Variants in LRMDA observed in about 807,000 individuals in gnomAD.
LRMDA encodes the protein leucine-rich melanocyte differentiation-associated protein.
LRMDA carries 18 observed loss-of-function variants against 29.8 expected under a neutral mutation model. The observed-to-expected ratio is 0.60, with a 90% CI of 0.42 to 0.90. LRMDA has a LOEUF of 0.90. LRMDA is among the 40% of genes least tolerant of loss of function. The probability of loss-of-function intolerance (pLI) is 0.00; values close to 1 mark genes in which losing one functional copy is unlikely to be tolerated. For missense variants in LRMDA, 273 were observed against 273.9 expected, an observed-to-expected ratio of 1.00 and a Z score of 0.02; for synonymous variants, 125 against 109.4, an observed-to-expected ratio of 1.14 and a Z score of -0.89.
At chr10:76,174,416 A>T (rs1468024101) in intron 5 of LRMDA, among the ~76,000 whole-genome samples, 1 of 152,348 alleles carries the variant, frequency 6.6e-6, no homozygotes. Flanking sequence ...ATTCAATAAT[A>T]TGTAGAAATA....
chr10:76,091,444 GTCCAGT>G (rs541229812), intron 5 of LRMDA, among the ~76,000 whole-genome samples: 1 of 152,282 alleles, frequency 6.6e-6, no homozygotes, highest in Admixed American at 6.5e-5. Context: ...TCTGCACTTT[GTCCAGT>G]TCCCCTGCAT....
chr10:76,111,191 G>A (rs1849573000), intron 5 of LRMDA, among the ~76,000 whole-genome samples: 1 of 152,128 alleles, frequency 6.6e-6, no homozygotes, highest in South Asian at 2.1e-4. Flanking sequence ...GATCCTCAAA[G>A]CAGCCTGTAC....
chr10:76,314,789 C>T (rs2132383584), intron 5 of LRMDA, among the ~76,000 whole-genome samples: 1 of 152,338 alleles, frequency 6.6e-6, no homozygotes, highest in African/African-American at 2.4e-5. Flanking sequence ...TTAACACTTA[C>T]ACACCACTGG....
intron 5 of LRMDA, among the ~76,000 whole-genome samples, chr10:76,269,168 C>T (rs1260175911): frequency 6.6e-6 from 1 of 151,998 alleles, no homozygotes; most frequent in East Asian, 1.9e-4. Context: ...AGAGTGCTTC[C>T]CAGCCCCAGT....
In LRMDA at chr10:75,461,880, ATGAGGTGGCGGCCAGGCTAG is replaced by A. The variant is rs1467448917; in HGVS notation, c.131+23390_131+23409del. 4.6e-5 allele frequency among the ~76,000 whole-genome samples: 7 copies of A among 152,354 alleles called. No individual in the cohort carries two copies. In the East Asian group the frequency reaches 1.2e-3, roughly 25 times the overall value. On this transcript the variant is annotated intron_variant, in intron 2 of 6. Coordinates refer to ENST00000611255, the MANE Select transcript of LRMDA (RefSeq NM_001305581.2). ...CGAAGGGGGCATTGGCCAGAGCCCTATGAGGTGGCGGCCAGGCTAGTGAAGGAGGCAGAGCAAGCAACTCA... is the reference window on the plus strand; with the variant it reads ...CGAAGGGGGCATTGGCCAGAGCCCTATGAAGGAGGCAGAGCAAGCAACTCA...
At chr10:75,512,369 TC>T (rs1845235122) in intron 2 of LRMDA, among the ~76,000 whole-genome samples, 2 of 151,908 alleles carry the variant, frequency 1.3e-5, no homozygotes, top group African/African-American at 4.8e-5. Context: ...TTTTTTTTTT[TC>T]CTTCTCCAGC....
intron 2 of LRMDA, among the ~76,000 whole-genome samples, chr10:75,569,137 TG>T (rs916844580): frequency 1.4e-4 from 22 of 152,330 alleles, no homozygotes; most frequent in African/African-American, 4.6e-4. Context: ...CCACAACTCC[TG>T]GGACTCTTTC....
intron 6 of LRMDA, among the ~76,000 whole-genome samples, chr10:76,499,010 GATC>G (rs3066520): frequency 1 from 71,433 of 71,532 alleles, 35,691 homozygotes; most frequent in Middle Eastern, 1. Flanking sequence ...TAATAAGCAT[GATC>G]ATCATCATCA....
At chr10:75,676,101 C>T (rs1023056282) in intron 2 of LRMDA, among the ~76,000 whole-genome samples, 1 of 152,076 alleles carries the variant, frequency 6.6e-6, no homozygotes, top group African/African-American at 2.4e-5. Flanking sequence ...TAAGAACTTG[C>T]TCCCTTTCTG....
At chr10:75,672,264 G>A (rs983479472) in intron 2 of LRMDA, among the ~76,000 whole-genome samples, 3 of 152,016 alleles carry the variant, frequency 2.0e-5, no homozygotes, top group Admixed American at 6.6e-5. Context: ...TGAGAGCTCC[G>A]TGGTCTACCC....
chr10:76,171,800 T>A (rs1052210096), intron 5 of LRMDA, among the ~76,000 whole-genome samples: 1 of 152,226 alleles, frequency 6.6e-6, no homozygotes, highest in East Asian at 1.9e-4. Flanking sequence ...TCCTGCCTTA[T>A]ACAGTTAAGA....
At chr10:75,500,592 A>T (rs1004383327) in intron 2 of LRMDA, among the ~76,000 whole-genome samples, 5 of 152,146 alleles carry the variant, frequency 3.3e-5, no homozygotes, top group African/African-American at 1.2e-4. Flanking sequence ...AAAAGATGCT[A>T]CCTGAGACTG....
At chr10:75,640,780 TAAACA>T (rs1009460476) in intron 2 of LRMDA, among the ~76,000 whole-genome samples, 47 of 152,074 alleles carry the variant, frequency 3.1e-4, no homozygotes, top group African/African-American at 8.0e-4. Context: ...AGCTTTTTTT[TAAACA>T]AAACAAAACA....
In LRMDA at chr10:76,559,044, C is replaced by T. The variant is rs913788444; in HGVS notation, c.*1756C>T. On this transcript the variant is annotated 3_prime_UTR_variant, in exon 7 of 7. Transcript: ENST00000611255. Reference sequence around the variant, plus strand: ...ATCTGCATTTGGTCCCACCCTGGGTCATTGTTTAGAAGCATCAACACATGT... The same window carrying T: ...ATCTGCATTTGGTCCCACCCTGGGTTATTGTTTAGAAGCATCAACACATGT... The T allele has an allele frequency of 1.3e-5, 2 of 152,186 alleles. No individual in the cohort carries two copies. Among genetic ancestry groups the T allele is most frequent in the African/African-American group, 2.4e-5 (1 of 41,440 alleles). The allele number at this position is 152,186 out of a possible 1,614,324, so 9.4% of individuals were successfully genotyped here. A position where few individuals can be genotyped will look rare whatever the true frequency, so the allele number is the denominator to read the frequency against.
At chr10:75,476,810 A>G (rs1844799085) in intron 2 of LRMDA, among the ~76,000 whole-genome samples, 1 of 152,118 alleles carries the variant, frequency 6.6e-6, no homozygotes, top group Non-Finnish European at 1.5e-5. Context: ...AACAACATAA[A>G]TTTATTTTCT....
chr10:75,449,151 CAAAAAAAAAAAA>C lies in LRMDA; in HGVS notation c.131+10667_131+10678del, dbSNP rs779723533. ...TGGGCGACAGAGTGAGACTCCATCT[CAAAAAAAAAAAA>C]AAAAAAAAAGAAGTCGTGTTTATTT... is the stretch of plus-strand genomic sequence containing the variant. On this transcript the variant is annotated intron_variant, in intron 2 of 6. Transcript: ENST00000611255. 1.3e-3 allele frequency among the ~76,000 whole-genome samples: 64 copies of C among 50,286 alleles called. 1 individual carries two copies. The South Asian group carries it at 0.032, about 26-fold the overall frequency. 33.0% of individuals were successfully genotyped at this position (50,286 alleles called of 152,430 possible).
intron 2 of LRMDA, among the ~76,000 whole-genome samples, chr10:75,877,452 T>C (rs933322475): frequency 2.0e-5 from 3 of 152,212 alleles, no homozygotes; most frequent in Non-Finnish European, 4.4e-5. Context: ...CTCCAGGTTG[T>C]TTCTTAGATT....
At chr10:76,065,772 A>T (rs1848774729) in intron 5 of LRMDA, among the ~76,000 whole-genome samples, 1 of 152,244 alleles carries the variant, frequency 6.6e-6, no homozygotes, top group Non-Finnish European at 1.5e-5. Context: ...TAAGGGAGGA[A>T]TACACTTCCC....
chr10:75,478,908 G>T (rs187727149), intron 2 of LRMDA, among the ~76,000 whole-genome samples: 1 of 152,064 alleles, frequency 6.6e-6, no homozygotes, highest in Non-Finnish European at 1.5e-5. Flanking sequence ...CTCACTCCCC[G>T]CCCTGCCATG....
Sources: gnomAD v4.1 joint callset for allele counts (sites outside exome capture counted in the v4.1 genomes callset) on GRCh38, gnomAD v4.1.1 for gene constraint, MANE v1.5 for transcripts, NCBI Gene and HGNC (gene_info 2026-07-23, HGNC 2026-07-21) for gene names.